PRKCH: variants seen among roughly 807,000 people sequenced by gnomAD.
PRKCH encodes protein kinase C eta type.
In PRKCH, 28 loss-of-function variants were observed where a neutral mutation model predicts 82.5. The ratio of observed to expected loss-of-function variants is 0.34; its 90% CI spans 0.25 to 0.47. PRKCH has a LOEUF of 0.47. Among genes scored for constraint, PRKCH ranks in the 20% least tolerant of loss-of-function variants. The pLI is 1.00. For missense variants in PRKCH, 705 were observed against 881.8 expected, an observed-to-expected ratio of 0.80 and a Z score of 2.54; for synonymous variants, 322 against 327.4, an observed-to-expected ratio of 0.98 and a Z score of 0.18.
chr14:61,505,399 T>TC lies in PRKCH; in HGVS notation c.1433+19743_1433+19744insC, dbSNP rs59927906. On this transcript the variant is annotated intron_variant, in intron 10 of 13. Transcript: ENST00000332981. ...TCTTTTCTTTTCTTTTCTTTTCTTT[T>TC]TTTTTTTTTTTTTTTTTTTTTTTTT... Among the ~76,000 whole-genome samples, 240 of 35,150 alleles carry TC rather than the reference T, an allele frequency of 6.8e-3. 2 individuals carry two copies. Among genetic ancestry groups the TC allele is most frequent in the African/African-American group, 0.02 (220 of 10,870 alleles). 23.1% of individuals were successfully genotyped at this position (35,150 alleles called of 152,430 possible).
At chr14:61,327,830 A>C (rs1037092711) in intron 1 of PRKCH, among the ~76,000 whole-genome samples, 1 of 152,264 alleles carries the variant, frequency 6.6e-6, no homozygotes, top group Admixed American at 6.5e-5. Context: ...GGGACAAGTA[A>C]AGTGTAAGTA....
At chr14:61,241,702 T>G (rs1267244850) in intron 1 of PRKCH, among the ~76,000 whole-genome samples, 1 of 152,190 alleles carries the variant, frequency 6.6e-6, no homozygotes, top group African/African-American at 2.4e-5. Context: ...TTGGCAAGTG[T>G]GGAATAGTGG....
intron 1 of PRKCH, among the ~76,000 whole-genome samples, chr14:61,189,503 T>C (rs1353682786): frequency 1.4e-5 from 1 of 71,196 alleles, no homozygotes; most frequent in Non-Finnish European, 2.8e-5. Context: ...TGAAATGTTA[T>C]CTCTCTCTCT....
intron 1 of PRKCH, among the ~76,000 whole-genome samples, chr14:61,295,637 G>A (rs1451922344): frequency 3.3e-5 from 5 of 152,192 alleles, no homozygotes; most frequent in South Asian, 4.1e-4. Flanking sequence ...TAAGTGATAC[G>A]TTGGTCTCCA....
At chr14:61,523,598 T>A (rs2042931541) in intron 10 of PRKCH, among the ~76,000 whole-genome samples, 1 of 152,250 alleles carries the variant, frequency 6.6e-6, no homozygotes, top group Admixed American at 6.5e-5. Flanking sequence ...GATAAAGCAC[T>A]TAGCATTTGA....
At chr14:61,332,749 C>T (rs533412030) in intron 1 of PRKCH, among the ~76,000 whole-genome samples, 3 of 152,324 alleles carry the variant, frequency 2.0e-5, no homozygotes, top group South Asian at 2.1e-4. Context: ...AGACAAAAAC[C>T]GCAAAGCTGC....
At chr14:61,312,714 T>G (rs1392641801) in intron 1 of PRKCH, among the ~76,000 whole-genome samples, 1 of 151,900 alleles carries the variant, frequency 6.6e-6, no homozygotes, top group Non-Finnish European at 1.5e-5. Flanking sequence ...AACCATCAGA[T>G]CTCATGAGAT....
chr14:61,381,600 AAC>A (rs939348193), intron 1 of PRKCH, among the ~76,000 whole-genome samples: 2 of 152,336 alleles, frequency 1.3e-5, no homozygotes, highest in African/African-American at 4.8e-5. Context: ...GCAGCTGACT[AAC>A]GGCACCTAAA....
rs778484111 is a variant in PRKCH at position 61,380,507 on chromosome 14, T to A, written c.364-10718T>A. Reference sequence around the variant, plus strand: ...CTTCAGGAGAACTCACCCCACTCCTTTTGGTCCATTAGGAGCACCAGAAGC... The same window carrying A: ...CTTCAGGAGAACTCACCCCACTCCTATTGGTCCATTAGGAGCACCAGAAGC... On this transcript the variant is annotated intron_variant, in intron 1 of 13. Transcript: ENST00000332981. 2.0e-5 allele frequency among the ~76,000 whole-genome samples: 3 copies of A among 152,258 alleles called. No individual in the cohort carries two copies. The East Asian group carries it at 5.8e-4, about 29-fold the overall frequency.
At position 61,315,753 on chromosome 14, in the gene PRKCH, A is replaced by ATTT. The variant is rs3028702; in HGVS notation, c.-19+128097_-19+128099dup. 4.5e-3 allele frequency among the ~76,000 whole-genome samples: 651 copies of ATTT among 143,224 alleles called. 16 individuals are homozygous for ATTT. Among genetic ancestry groups the ATTT allele is most frequent in the African/African-American group, 0.011 (421 of 38,568 alleles). The allele number at this position is 143,224 out of a possible 152,430, so 94.0% of individuals were successfully genotyped here. A position where few individuals can be genotyped will look rare whatever the true frequency, so the allele number is the denominator to read the frequency against. On this transcript the variant is annotated intron_variant, in intron 1 of 3. Transcript: ENST00000555185. ...CTAGTTTTCAAATGTTATTTACTGG[A>ATTT]TTTTTTTTTTTTTTGAGACGGAGTC...
chr14:61,405,888 C>T (rs61990708), intron 2 of PRKCH, among the ~76,000 whole-genome samples: 10,967 of 152,096 alleles, frequency 0.072, 639 homozygotes, highest in East Asian at 0.32. Context: ...TGGATGCTTC[C>T]GTTATGTGAG....
intron 2 of PRKCH, among the ~76,000 whole-genome samples, chr14:61,406,738 TCTGA>T (rs1336425771): frequency 2.0e-5 from 3 of 152,200 alleles, no homozygotes; most frequent in Non-Finnish European, 2.9e-5. Context: ...TAGGTATTTC[TCTGA>T]CTGATTTGAA....
At chr14:61,315,286 C>T (rs1022008003) in intron 1 of PRKCH, among the ~76,000 whole-genome samples, 3 of 152,032 alleles carry the variant, frequency 2.0e-5, no homozygotes, top group East Asian at 1.9e-4. Flanking sequence ...TCCTACTATC[C>T]GTTAGAATCA....
At chr14:61,354,727 A>C (rs1276232452) in intron 1 of PRKCH, among the ~76,000 whole-genome samples, 1 of 152,104 alleles carries the variant, frequency 6.6e-6, no homozygotes, top group Non-Finnish European at 1.5e-5. Context: ...TGAGGCCTTT[A>C]TGTATTCCCC....
intron 10 of PRKCH, among the ~76,000 whole-genome samples, chr14:61,512,957 C>T (rs563747777): frequency 2.2e-4 from 34 of 152,172 alleles, no homozygotes; most frequent in African/African-American, 7.7e-4. Context: ...GCTGGGACTA[C>T]AGGTACACAC....
At chr14:61,217,586 C>T (rs2044624694) in intron 1 of PRKCH, among the ~76,000 whole-genome samples, 1 of 152,180 alleles carries the variant, frequency 6.6e-6, no homozygotes, top group Non-Finnish European at 1.5e-5. Flanking sequence ...TTCCCAACCT[C>T]TCCATAGGAT....
intron 1 of PRKCH, chr14:61,279,850 G>A (rs779256729): frequency 4.4e-5 from 23 of 521,160 alleles, no homozygotes; most frequent in Admixed American, 2.1e-4. Flanking sequence ...ACTCAGTGTC[G>A]TGAAGGAGGT....
At chr14:61,238,835 G>A (rs11621897) in intron 1 of PRKCH, among the ~76,000 whole-genome samples, 80,480 of 152,008 alleles carry the variant, frequency 0.53, 23,199 homozygotes, top group Non-Finnish European at 0.63. Context: ...AACAAACTGG[G>A]TAAAGCTTCT....
At chr14:61,251,013 G>C (rs1416632326) in intron 1 of PRKCH, among the ~76,000 whole-genome samples, 1 of 152,164 alleles carries the variant, frequency 6.6e-6, no homozygotes, top group African/African-American at 2.4e-5. Flanking sequence ...TGAGAGGTTT[G>C]GAGTAGTCAA....
Sources: allele counts gnomAD v4.1 joint callset (sites outside exome capture counted in the v4.1 genomes callset), GRCh38; gene constraint gnomAD v4.1.1; transcripts MANE v1.5; gene names NCBI Gene and HGNC (gene_info 2026-07-23, HGNC 2026-07-21).